USP37: variants seen among roughly 807,000 people sequenced by gnomAD.
USP37 encodes ubiquitin carboxyl-terminal hydrolase 37.
USP37 carries 27 observed loss-of-function variants against 124.0 expected under a neutral mutation model. The ratio of observed to expected loss-of-function variants is 0.22; its 90% CI spans 0.16 to 0.30. The LOEUF is 0.30. Among genes scored for constraint, USP37 ranks in the 10% least tolerant of loss-of-function variants. The pLI, the probability that USP37 is intolerant of heterozygous loss-of-function variation, is 1.00. For missense variants in USP37, 889 were observed against 1,140.4 expected (o/e 0.78, Z 3.17); for synonymous variants, 365 against 388.0 (o/e 0.94, Z 0.70).
chr2:218,558,831 T>C (rs1693165868), intron 3 of USP37, 154 bp from the exon 4 acceptor site: 1 of 487,054 alleles, frequency 2.1e-6, no homozygotes, highest in Non-Finnish European at 3.6e-6. Flanking sequence ...GTACTGTATT[T>C]ATTAGTGCCT....
At chr2:218,483,413 G>A (rs1376316826) in intron 16 of USP37, among the ~76,000 whole-genome samples, 1 of 151,956 alleles carries the variant, frequency 6.6e-6, no homozygotes, top group South Asian at 2.1e-4. Context: ...AAGAATAAGA[G>A]TGGCTTTGAA....
chr2:218,558,467 AGAGCT>A, intron 4 of USP37, 26 bp downstream of exon 4: 1 of 1,595,094 alleles, frequency 6.3e-7, no homozygotes. Context: ...ATCTGCTTCA[AGAGCT>A]ATTCCAAATC....
At position 218,495,941 on chromosome 2, in the gene USP37, C is replaced by A; in HGVS notation, c.1291G>T (p.Glu431Ter). 1 of 1,608,772 alleles carries A rather than the reference C, an allele frequency of 6.2e-7. No individual in the cohort carries two copies. The highest frequency in any genetic ancestry group is 8.5e-7 in the Non-Finnish European group (1 of 1,178,698). Reference protein sequence around the residue: ...FSGYMQNDAHEFLSQCLDQLK... With the variant: ...FSGYMQNDAH ...TGGTCCAAACACTGACTTAAAAATTCATGAGCATCCTAATAAGACAACAAT... is the reference window on the plus strand; with the variant it reads ...TGGTCCAAACACTGACTTAAAAATTAATGAGCATCCTAATAAGACAACAAT... Residue 431 changes from glutamate (E) to a stop codon, truncating the protein, a stop_gained, in exon 14 of 26, where the codon GAA becomes TAA. Coordinates refer to ENST00000258399, the MANE Select transcript of USP37 (RefSeq NM_020935.3). LOFTEE classifies it high-confidence loss of function.
intron 9 of USP37, among the ~76,000 whole-genome samples, chr2:218,533,652 T>C (rs1338282510): frequency 6.6e-6 from 1 of 152,220 alleles, no homozygotes; most frequent in Non-Finnish European, 1.5e-5. Context: ...AAGACTTACA[T>C]GTGATATTTC....
intron 9 of USP37, among the ~76,000 whole-genome samples, chr2:218,530,958 G>A (rs1342823434): frequency 6.6e-6 from 1 of 152,146 alleles, no homozygotes; most frequent in Non-Finnish European, 1.5e-5. Flanking sequence ...AAGCTAGTAA[G>A]AGCTGGTTCA....
In USP37 at chr2:218,451,143, T is replaced by C. The variant is rs1689467294; in HGVS notation, c.*3787A>G. 1 of 152,206 alleles carries C rather than the reference T, an allele frequency of 6.6e-6. No individual in the cohort carries two copies. Among genetic ancestry groups the C allele is most frequent in the Admixed American group, 6.6e-5 (1 of 15,262 alleles). 9.4% of individuals were successfully genotyped at this position (152,206 alleles called of 1,614,324 possible). A position where few individuals can be genotyped will look rare whatever the true frequency, so the allele number is the denominator to read the frequency against. On this transcript the variant is annotated 3_prime_UTR_variant, in exon 26 of 26. Coordinates refer to ENST00000258399, the MANE Select transcript of USP37 (RefSeq NM_020935.3). ...ATTTTGAAGTAATGCAATAAAAAGA[T>C]GTTGGAGGGCAGAAGTCTATTTAGT...
chr2:218,480,398 C>CA (rs397868988), intron 17 of USP37, among the ~76,000 whole-genome samples: 2,699 of 48,768 alleles, frequency 0.055, 458 homozygotes, highest in East Asian at 0.11. Context: ...GACTCCGTCT[C>CA]AAAAAAAAAA....
intron 16 of USP37, among the ~76,000 whole-genome samples, chr2:218,483,510 A>G (rs946144992): frequency 3.7e-4 from 57 of 152,172 alleles, no homozygotes; most frequent in African/African-American, 1.3e-3. Flanking sequence ...AGTAGAACAA[A>G]ACTAATATTA....
intron 8 of USP37, among the ~76,000 whole-genome samples, chr2:218,542,473 A>T (rs1574946450): frequency 6.8e-6 from 1 of 148,014 alleles, no homozygotes; most frequent in South Asian, 2.1e-4. Context: ...TACATTTCTT[A>T]GTTAGTGTTC....
chr2:218,546,386 T>C, intron 7 of USP37, 88 bp from the exon 8 acceptor site: 1 of 841,466 alleles, frequency 1.2e-6, no homozygotes, highest in African/African-American at 1.7e-5. Context: ...GGACAGGAAA[T>C]GGGACTACTA....
rs1349773624 is a variant in USP37, at chr2:218,453,191, G to C, written c.*1739C>G. On this transcript the variant is annotated 3_prime_UTR_variant, in exon 26 of 26. Transcript: ENST00000258399. Reference sequence around the variant, plus strand: ...TCCAAGTTCCAAGAGTAGGACTGGAGCTCTCTTAAGGCAATCTTTCAGAAA... The same window carrying C: ...TCCAAGTTCCAAGAGTAGGACTGGACCTCTCTTAAGGCAATCTTTCAGAAA... 6.6e-6 allele frequency: 1 copy of C among 152,040 alleles called. No individual in the cohort carries two copies. Among genetic ancestry groups the C allele is most frequent in the South Asian group, 2.1e-4 (1 of 4,820 alleles). 9.4% of individuals were successfully genotyped at this position (152,040 alleles called of 1,614,324 possible). A position where few individuals can be genotyped will look rare whatever the true frequency, so the allele number is the denominator to read the frequency against.
chr2:218,558,748 T>C lies in USP37; in HGVS notation c.-24-71A>G, dbSNP rs923859682. The stretch of plus-strand genomic sequence containing the variant: ...GAAGAAAAATAAGATAAGTTATAAC[T>C]TACTAGTAATTAATTTCTAACCACC... On this transcript the variant is annotated intron_variant, in intron 3 of 25. Coordinates refer to ENST00000258399, the MANE Select transcript of USP37 (RefSeq NM_020935.3). 1.5e-5 allele frequency: 17 copies of C among 1,132,390 alleles called. No homozygotes were observed. In the Admixed American group the frequency reaches 4.0e-4, roughly 27 times the overall value. 70.1% of individuals were successfully genotyped at this position (1,132,390 alleles called of 1,614,324 possible). A position where few individuals can be genotyped will look rare whatever the true frequency, so the allele number is the denominator to read the frequency against.
At chr2:218,479,582 A>C in intron 18 of USP37, 68 bp downstream of exon 18, 1 of 1,281,546 alleles carries the variant, frequency 7.8e-7, no homozygotes, top group Non-Finnish European at 1.1e-6. Flanking sequence ...GCAGGGAGGC[A>C]ATCTTGGAGA....
intron 8 of USP37, among the ~76,000 whole-genome samples, chr2:218,541,533 G>A (rs1173885798): frequency 6.6e-6 from 1 of 152,112 alleles, no homozygotes; most frequent in East Asian, 1.9e-4. Context: ...AAATCCCTCA[G>A]ATGAAGATCT....
At chr2:218,513,363 T>C (rs1049321198) in intron 10 of USP37, among the ~76,000 whole-genome samples, 2 of 152,158 alleles carry the variant, frequency 1.3e-5, no homozygotes. Context: ...AAAAATTATA[T>C]TATGCATTAA....
At chr2:218,464,764 T>A (rs1309030509) in intron 21 of USP37, among the ~76,000 whole-genome samples, 2 of 152,148 alleles carry the variant, frequency 1.3e-5, no homozygotes, top group Non-Finnish European at 2.9e-5. Flanking sequence ...AAACTGAACA[T>A]TGAAGAATAG....
intron 2 of USP37, among the ~76,000 whole-genome samples, 177 bp from the exon 3 acceptor site, chr2:218,561,060 C>T (rs546425343): frequency 6.6e-6 from 1 of 152,202 alleles, no homozygotes; most frequent in South Asian, 2.1e-4. Context: ...TAATAGAGTC[C>T]ATTAATGTTT....
intron 11 of USP37, among the ~76,000 whole-genome samples, chr2:218,501,251 G>A (rs1228627560): frequency 1.3e-5 from 2 of 151,818 alleles, no homozygotes; most frequent in Non-Finnish European, 2.9e-5. Flanking sequence ...TGTTACCAAG[G>A]CTGGTTTTGA....
chr2:218,465,243 A>G (rs1049240367), intron 21 of USP37, among the ~76,000 whole-genome samples: 3 of 152,164 alleles, frequency 2.0e-5, no homozygotes, highest in African/African-American at 7.2e-5. Context: ...TTATAAAATC[A>G]TGGTGTTATA....
Sources: gnomAD v4.1 joint callset for allele counts (sites outside exome capture counted in the v4.1 genomes callset) on GRCh38, gnomAD v4.1.1 for gene constraint, MANE v1.5 for transcripts, NCBI Gene and HGNC (gene_info 2026-07-23, HGNC 2026-07-21) for gene names.